TELO2: variants seen among roughly 807,000 people sequenced by gnomAD.
The protein encoded by TELO2 is telomere maintenance 2, also known as telomere length regulation protein TEL2 homolog.
Under a neutral mutation model 91.0 loss-of-function variants are expected in TELO2, and 71 were observed. That is an observed-to-expected ratio of 0.78 (90% CI 0.64 to 0.95). The LOEUF is 0.95. TELO2 is among the 40% of genes least tolerant of loss of function. The pLI, the probability that TELO2 is intolerant of heterozygous loss-of-function variation, is 0.00. For missense variants in TELO2, 1,183 were observed against 1,141.3 expected (o/e 1.04, Z -0.53); for synonymous variants, 584 against 518.9 (o/e 1.13, Z -1.71).
chr16:1,502,020 G>A, intron 11 of TELO2, 27 bp from the exon 12 acceptor site: 1 of 1,613,090 alleles, frequency 6.2e-7, no homozygotes, highest in Non-Finnish European at 8.5e-7. Context: ...GCCATGGGCT[G>A]CTCATGTCTG....
At position 1,504,411 on chromosome 16, in the gene TELO2, G is replaced by A. The variant is rs139758234; in HGVS notation, c.1843-999G>A. On this transcript the variant is annotated intron_variant, in intron 15 of 20. Coordinates refer to ENST00000262319, the MANE Select transcript of TELO2 (RefSeq NM_016111.4). ...ATGGCGCCACTGCACTCCAGACTGG[G>A]CGACAGAGCGAGACTCCATCTCAAA... Among the ~76,000 whole-genome samples the A allele has an allele frequency of 9.7e-3, 1,178 of 122,016 alleles. 17 individuals carry two copies. Among genetic ancestry groups the A allele is most frequent in the Non-Finnish European group, 0.015 (860 of 58,718 alleles). The allele number at this position is 122,016 out of a possible 152,430, so 80.0% of individuals were successfully genotyped here.
chr16:1,506,748 G>A, intron 17 of TELO2: 5 of 1,399,082 alleles, frequency 3.6e-6, no homozygotes, highest in Non-Finnish European at 4.6e-6. Context: ...GGGAACTCCT[G>A]GCCCAGGTGG....
At chr16:1,495,676 TC>T (rs2039463790) in intron 3 of TELO2, 53 bp downstream of exon 3, 2 of 1,531,460 alleles carry the variant, frequency 1.3e-6, no homozygotes, top group Admixed American at 3.9e-5. Context: ...TGGGTCCTCG[TC>T]CCCTGCCACC....
chr16:1,502,822 C>CG, intron 14 of TELO2, 61 bp downstream of exon 14: 6 of 1,601,730 alleles, frequency 3.7e-6, no homozygotes, highest in Non-Finnish European at 5.1e-6. Flanking sequence ...CTGGGAGCTG[C>CG]GGTGCCTGAG....
chr16:1,495,435 G>C lies in TELO2; in HGVS notation c.425G>C (p.Arg142Pro). 6.2e-7 allele frequency: 1 copy of C among 1,601,394 alleles called. No individual in the cohort carries two copies. The highest frequency in any genetic ancestry group is 8.5e-7 in the Non-Finnish European group (1 of 1,175,324). ...GCAGTGCTGATGGAGGCGCAGTGTC[G>C]GCAGCAGACGCAGCCCGGCTTCATC... ...RLAVLMEAQC[R>P]QQTQPGFILL... is the part of the protein sequence containing the mutation. Residue 142 changes from arginine to proline, a missense_variant, in exon 3 of 21, where the codon CGG becomes CCG. Transcript: ENST00000262319.
In TELO2 at chr16:1,501,654, T is replaced by G; in HGVS notation, c.1362-9T>G. 6.2e-7 allele frequency: 1 copy of G among 1,601,892 alleles called. No homozygotes were observed. Among genetic ancestry groups the G allele is most frequent in the Non-Finnish European group, 8.5e-7 (1 of 1,174,258 alleles). On this transcript the variant is annotated splice_polypyrimidine_tract_variant and intron_variant, in intron 10 of 20. Coordinates refer to ENST00000262319, the MANE Select transcript of TELO2 (RefSeq NM_016111.4). ...CCCTAAAGGATTTTTGTTCCTTGTTTCCTTAAAGCACGTCCCTCGTTCCAG... is the reference window on the plus strand; with the variant it reads ...CCCTAAAGGATTTTTGTTCCTTGTTGCCTTAAAGCACGTCCCTCGTTCCAG...
Position 1,494,325 on chromosome 16 carries a change from C to G in TELO2, c.44C>G (p.Ala15Gly). 3 of 1,613,602 alleles carry G rather than the reference C, an allele frequency of 1.9e-6. No individual in the cohort carries two copies. Among genetic ancestry groups the G allele is most frequent in the Non-Finnish European group, 2.5e-6 (3 of 1,179,980 alleles). The change falls in exon 2 of 21, where the codon GCC becomes GGC. Residue 15 changes from alanine (A) to glycine (G), a missense_variant. Coordinates refer to ENST00000262319, the MANE Select transcript of TELO2 (RefSeq NM_016111.4). This position sits in a 1 kb window ranked among gnomAD's most constrained non-coding sequence, Gnocchi z 5.6. ...GAGGTTCGACTCGCCGTCCGGGAAG[C>G]CATTCATGCCCTCTCGTCTTCGGAG... ...PSEVRLAVRE[A>G]IHALSSSEDG...
rs2039849270 is a variant in TELO2, at chr16:1,505,306, TGGGCGGGCCCCC to T, written c.1843-99_1843-88del. ...TCCCAGAACACACCTTCTCCCAGGC[TGGGCGGGCCCCC>T]GGGCCCGTTTCTGGGGCTTTGGCTG... On this transcript the variant is annotated intron_variant, in intron 15 of 20. Transcript: ENST00000262319. This position sits in a 1 kb window ranked among gnomAD's most constrained non-coding sequence, Gnocchi z 4.3. 1 of 1,350,858 alleles carries T rather than the reference TGGGCGGGCCCCC, an allele frequency of 7.4e-7. No homozygotes were observed. The highest frequency in any genetic ancestry group is 1.5e-5 in the African/African-American group (1 of 68,502). 83.7% of individuals were successfully genotyped at this position (1,350,858 alleles called of 1,614,324 possible).
chr16:1,496,384 T>A (rs538634150), intron 3 of TELO2, among the ~76,000 whole-genome samples: 2 of 152,286 alleles, frequency 1.3e-5, no homozygotes, highest in African/African-American at 4.8e-5. Flanking sequence ...TGCAGCAACC[T>A]CCTGAGCCCC....
chr16:1,507,723 G>A lies in TELO2; in HGVS notation c.2407+7G>A. The A allele has an allele frequency of 2.5e-6, 4 of 1,598,382 alleles. No individual in the cohort carries two copies. Among genetic ancestry groups the A allele is most frequent in the Non-Finnish European group, 2.5e-6 (3 of 1,178,090 alleles). The stretch of plus-strand genomic sequence containing the variant: ...GCCCGGTCCTGGCTGGCGGGTGAGT[G>A]TCGGCCTGCGGTGTGTGTGTGAGAT... On this transcript the variant is annotated splice_region_variant and intron_variant, in intron 20 of 20. Coordinates refer to ENST00000262319, the MANE Select transcript of TELO2 (RefSeq NM_016111.4).
chr16:1,502,411 G>A lies in TELO2; in HGVS notation c.1653+7G>A, dbSNP rs780880078. 35 of 1,588,100 alleles carry A rather than the reference G, an allele frequency of 2.2e-5. No individual in the cohort carries two copies. The highest frequency in any genetic ancestry group is 2.7e-5 in the Non-Finnish European group (32 of 1,169,260). ...CCCCACAGCCACTCGGGAGGTGAGT[G>A]GGGGGCGGGAGTGGGTGGGGAGGCC... is the stretch of plus-strand genomic sequence containing the variant. On this transcript the variant is annotated splice_region_variant and intron_variant, in intron 13 of 20. Transcript: ENST00000262319.
Position 1,501,725 on chromosome 16 carries a change from G to T in TELO2, c.1424G>T (p.Gly475Val). 1 of 1,612,336 alleles carries T rather than the reference G, an allele frequency of 6.2e-7. No individual in the cohort carries two copies. Among genetic ancestry groups the T allele is most frequent in the East Asian group, 2.2e-5 (1 of 44,882 alleles). Residue 475 changes from glycine (G) to valine (V), a missense_variant, in exon 11 of 21, where the codon GGC (glycine) becomes GTC (valine). By Grantham distance (109) the Gly-to-Val change is moderately radical (BLOSUM62 -3). Transcript: ENST00000262319. ...PAETPAEIVD[G>V]GVPQAQLAGS... ...GAGACCCCCGCAGAGATCGTGGATG[G>T]CGGCGTCCCCCAAGCACAGCTGGCG...
rs2039618015 is a variant in TELO2, at chr16:1,499,976, G to A, written c.934-120G>A. 14 of 1,212,004 alleles carry A rather than the reference G, an allele frequency of 1.2e-5. No individual in the cohort carries two copies. In the Admixed American group the frequency reaches 3.7e-4, roughly 32 times the overall value. 75.1% of individuals were successfully genotyped at this position (1,212,004 alleles called of 1,614,324 possible). ...TCCAGGAGGCAGTGGCCGCCCCCAT[G>A]CTTGTCCGTCTGCTGCCCTCAGTCT... On this transcript the variant is annotated intron_variant, in intron 6 of 20. Coordinates refer to ENST00000262319, the MANE Select transcript of TELO2 (RefSeq NM_016111.4).
chr16:1,501,396 G>GC (rs765337227), intron 9 of TELO2, 24 bp from the exon 10 acceptor site: 6 of 1,608,964 alleles, frequency 3.7e-6, no homozygotes, highest in Non-Finnish European at 4.2e-6. Context: ...GGCGGATGCC[G>GC]CTGAGCCTGC....
At position 1,506,285 on chromosome 16, in the gene TELO2, C is replaced by A. The variant is rs141481758; in HGVS notation, c.2082C>A (p.Ser694=). ...GPAGSPSRFN[S]VAGHFFFPLL... The stretch of plus-strand genomic sequence containing the variant: ...CAGGCAGCCCCAGCAGATTCAACTC[C>A]GTGGCCGGCCACTTCTTCTTCCCCC... Residue 694 remains serine, a synonymous_variant, in exon 17 of 21, where the codon TCC becomes TCA. Coordinates refer to ENST00000262319, the MANE Select transcript of TELO2 (RefSeq NM_016111.4). The A allele has an allele frequency of 4.7e-5, 76 of 1,613,856 alleles. No individual in the cohort carries two copies. The highest frequency in any genetic ancestry group is 6.1e-5 in the Non-Finnish European group (72 of 1,180,012).
At chr16:1,498,155 C>G (rs2141027819) in intron 5 of TELO2, among the ~76,000 whole-genome samples, 1 of 151,986 alleles carries the variant, frequency 6.6e-6, no homozygotes, top group East Asian at 1.9e-4. Context: ...GCTAGGACTA[C>G]AGGCGCCCGC....
intron 20 of TELO2, among the ~76,000 whole-genome samples, chr16:1,509,524 C>A (rs4787204): frequency 0.047 from 7,138 of 152,364 alleles, 438 homozygotes; most frequent in East Asian, 0.18. Flanking sequence ...TGTCTGCCGT[C>A]CAGCAAGGAG....
chr16:1,495,238 T>A (rs2039435638), intron 2 of TELO2, 108 bp from the exon 3 acceptor site: 6 of 1,410,390 alleles, frequency 4.3e-6, no homozygotes, highest in Non-Finnish European at 5.6e-6. Context: ...TCACGCTGGT[T>A]ATGTTGTTGG....
intron 7 of TELO2, 26 bp from the exon 8 acceptor site, chr16:1,500,321 A>T: frequency 6.4e-7 from 1 of 1,562,072 alleles, no homozygotes; most frequent in South Asian, 1.2e-5. Context: ...CGAGCCCCAC[A>T]CAGTCGTGGG....
Sources: allele counts gnomAD v4.1 joint callset (sites outside exome capture counted in the v4.1 genomes callset), GRCh38; gene constraint gnomAD v4.1.1; non-coding constraint Gnocchi (gnomAD v3.1); transcripts MANE v1.5; gene names NCBI Gene and HGNC (gene_info 2026-07-23, HGNC 2026-07-21).